SNX7: variants seen among roughly 807,000 people sequenced by gnomAD.
SNX7 encodes the protein sorting nexin-7.
Under a neutral mutation model 48.4 loss-of-function variants are expected in SNX7, and 35 were observed. The observed-to-expected ratio is 0.72, with a 90% confidence interval of 0.55 to 0.96. SNX7 has a LOEUF of 0.96. SNX7 is among the 40% of genes least tolerant of loss of function. SNX7 has a pLI of 0.00. For synonymous variants in SNX7, 190 were observed against 190.2 expected, an observed-to-expected ratio of 1.00 and a Z score of 0.01; for missense variants, 553 against 548.9, an observed-to-expected ratio of 1.01 and a Z score of -0.07.
At chr1:98,683,714 A>G (rs749071892) in intron 1 of SNX7, among the ~76,000 whole-genome samples, 1 of 152,066 alleles carries the variant, frequency 6.6e-6, no homozygotes, top group Admixed American at 6.6e-5. Context: ...TAAGCTACCT[A>G]GTTTATTGTA....
Position 98,691,130 on chromosome 1 carries a change from A to T in SNX7, c.419A>T (p.Asp140Val), listed in dbSNP as rs1651096755. 6.2e-7 allele frequency: 1 copy of T among 1,610,286 alleles called. No homozygotes were observed. Among genetic ancestry groups the T allele is most frequent in the African/African-American group, 1.3e-5 (1 of 74,678 alleles). Reference protein sequence around the residue: ...SEFEVRRRYQDFLWLKGKLEE... With the variant: ...SEFEVRRRYQVFLWLKGKLEE... The stretch of plus-strand genomic sequence containing the variant: ...TTTGAAGTTAGGAGACGATATCAAG[A>T]TTTCCTTTGGTTGAAGGGAAAACTG... Residue 140 changes from aspartate (D) to valine (V), a missense_variant, in exon 3 of 9, where the codon GAT becomes GTT. Coordinates refer to ENST00000306121, the MANE Select transcript of SNX7 (RefSeq NM_015976.5).
chr1:98,679,726 C>T (rs1054388457), intron 1 of SNX7, among the ~76,000 whole-genome samples: 9 of 152,196 alleles, frequency 5.9e-5, no homozygotes, highest in Admixed American at 5.9e-4. Context: ...AAAATGATCT[C>T]CTTTGACTCC....
chr1:98,734,670 C>T (rs1207756283), intron 7 of SNX7, among the ~76,000 whole-genome samples: 1 of 152,088 alleles, frequency 6.6e-6, no homozygotes, highest in East Asian at 1.9e-4. Context: ...GATATGTAGT[C>T]ACCATCGTAG....
intron 1 of SNX7, among the ~76,000 whole-genome samples, chr1:98,674,489 A>T (rs1463590317): frequency 1.3e-5 from 2 of 152,174 alleles, no homozygotes; most frequent in Non-Finnish European, 2.9e-5. Flanking sequence ...CCCTTTTTAT[A>T]GAAAGATAGC....
At chr1:98,741,144 A>G (rs1433655120) in intron 8 of SNX7, among the ~76,000 whole-genome samples, 2 of 152,150 alleles carry the variant, frequency 1.3e-5, no homozygotes, top group Admixed American at 1.3e-4. Flanking sequence ...TCACATTCTA[A>G]TGGAAATACT....
intron 7 of SNX7, among the ~76,000 whole-genome samples, chr1:98,737,207 C>G (rs1653826904): frequency 6.6e-6 from 1 of 152,058 alleles, no homozygotes; most frequent in Non-Finnish European, 1.5e-5. Context: ...ACTGAGAGTC[C>G]CATGGTTCAT....
chr1:98,735,579 A>T (rs1557830337), intron 7 of SNX7, among the ~76,000 whole-genome samples: 1 of 152,128 alleles, frequency 6.6e-6, no homozygotes, highest in Non-Finnish European at 1.5e-5. Context: ...ATTACCAGAG[A>T]CTAAAATACT....
At chr1:98,671,710 T>C (rs1649875571) in intron 1 of SNX7, among the ~76,000 whole-genome samples, 1 of 152,142 alleles carries the variant, frequency 6.6e-6, no homozygotes, top group Non-Finnish European at 1.5e-5. Flanking sequence ...CTCTCTGTCA[T>C]AGACAAAAAC....
intron 8 of SNX7, among the ~76,000 whole-genome samples, chr1:98,754,107 C>T (rs1654723973): frequency 6.6e-6 from 1 of 151,938 alleles, no homozygotes; most frequent in Non-Finnish European, 1.5e-5. Context: ...AAGCAATGGA[C>T]ATTGGAATTT....
chr1:98,749,822 G>T lies in SNX7; in HGVS notation c.1279-10232G>T, dbSNP rs182303091. ...GATAAATAATTTCGTGGTGCTATTG[G>T]CCTAGTATAGAAATGATTGCGAATT... On this transcript the variant is annotated intron_variant, in intron 8 of 8. Coordinates refer to ENST00000306121, the MANE Select transcript of SNX7 (RefSeq NM_015976.5). Among the ~76,000 whole-genome samples the T allele has an allele frequency of 3.3e-3, 509 of 152,122 alleles. 9 individuals are homozygous for T. The highest frequency in any genetic ancestry group is 0.019 in the Admixed American group (296 of 15,264).
At chr1:98,738,886 G>GT (rs58756657) in intron 8 of SNX7, among the ~76,000 whole-genome samples, 32 of 150,490 alleles carry the variant, frequency 2.1e-4, no homozygotes, top group Non-Finnish European at 2.7e-4. Context: ...TCTCAGAGAA[G>GT]TTTTTTTTTT....
intron 7 of SNX7, among the ~76,000 whole-genome samples, chr1:98,722,899 A>C (rs893094117): frequency 6.6e-6 from 1 of 152,144 alleles, no homozygotes; most frequent in African/African-American, 2.4e-5. Context: ...AAGAAATAAT[A>C]CTCATAAAGC....
At chr1:98,737,278 T>G (rs1182488668) in intron 7 of SNX7, among the ~76,000 whole-genome samples, 2 of 152,142 alleles carry the variant, frequency 1.3e-5, no homozygotes, top group Admixed American at 6.5e-5. Context: ...TCTGGCCACC[T>G]TATCTAAAAT....
intron 7 of SNX7, among the ~76,000 whole-genome samples, chr1:98,708,708 T>C: frequency 6.6e-6 from 1 of 152,300 alleles, no homozygotes; most frequent in Admixed American, 6.5e-5. Context: ...CCTTTCTGTC[T>C]TCTCCGGCAG....
Position 98,684,891 on chromosome 1 carries a change from T to C in SNX7, c.187T>C (p.Ser63Pro), listed in dbSNP as rs1227337445. The C allele has an allele frequency of 6.7e-7, 1 of 1,493,812 alleles. No homozygotes were observed. Among genetic ancestry groups the C allele is most frequent in the East Asian group, 2.3e-5 (1 of 42,840 alleles). 92.5% of individuals were successfully genotyped at this position (1,493,812 alleles called of 1,614,324 possible). A position where few individuals can be genotyped will look rare whatever the true frequency, so the allele number is the denominator to read the frequency against. ...DDLEVFSKDA[S>P]LMDMNSFSPM... is the part of the protein sequence containing the mutation. Reference sequence around the variant, plus strand: ...TGAATGTTTTATTTCTTAGGATGCCTCATTGATGGACATGAACTCCTTCAG... The same window carrying C: ...TGAATGTTTTATTTCTTAGGATGCCCCATTGATGGACATGAACTCCTTCAG... The change falls in exon 2 of 9, where the codon TCA (serine) becomes CCA (proline). Residue 63 changes from serine to proline, a missense_variant. Physicochemically the swap from Ser to Pro is moderately conservative, Grantham distance 74. Coordinates refer to ENST00000306121, the MANE Select transcript of SNX7 (RefSeq NM_015976.5).
chr1:98,670,164 A>AG (rs1649773287), intron 1 of SNX7, among the ~76,000 whole-genome samples: 1 of 152,236 alleles, frequency 6.6e-6, no homozygotes, highest in South Asian at 2.1e-4. Flanking sequence ...TTGATGATAC[A>AG]GAGAGCTATG....
intron 7 of SNX7, among the ~76,000 whole-genome samples, chr1:98,716,299 G>A (rs766895017): frequency 6.6e-6 from 1 of 151,956 alleles, no homozygotes; most frequent in Non-Finnish European, 1.5e-5. Flanking sequence ...CATCCTACTT[G>A]GGCAGTTACT....
intron 2 of SNX7, among the ~76,000 whole-genome samples, chr1:98,688,152 G>A (rs1465480881): frequency 6.6e-6 from 1 of 152,140 alleles, no homozygotes; most frequent in African/African-American, 2.4e-5. Context: ...GCTTTCCTGG[G>A]AAAATCTTAG....
intron 7 of SNX7, 36 bp downstream of exon 7, chr1:98,701,939 A>G: frequency 7.0e-7 from 1 of 1,433,554 alleles, no homozygotes; most frequent in Non-Finnish European, 9.7e-7. Flanking sequence ...ATCATATAGA[A>G]TTCATTGTCT....
Sources: allele counts gnomAD v4.1 joint callset (sites outside exome capture counted in the v4.1 genomes callset), GRCh38; gene constraint gnomAD v4.1.1; transcripts MANE v1.5; gene names NCBI Gene and HGNC (gene_info 2026-07-23, HGNC 2026-07-21).